Variants in VPS13D observed in about 807,000 individuals in gnomAD.
VPS13D encodes vacuolar protein sorting 13 homolog D.
Under a neutral mutation model 461.9 loss-of-function variants are expected in VPS13D, and 187 were observed. That is an observed-to-expected ratio of 0.40 (90% CI 0.36 to 0.46). VPS13D has a LOEUF of 0.46. Among genes scored for constraint, VPS13D ranks in the 20% least tolerant of loss-of-function variants. The pLI, the probability that VPS13D is intolerant of heterozygous loss-of-function variation, is 0.60. For synonymous variants in VPS13D, 1,951 were observed against 1,986.3 expected (o/e 0.98, Z 0.47); for missense variants, 4,711 against 5,364.9 (o/e 0.88, Z 3.81).
chr1:12,354,224 A>G lies in VPS13D; in HGVS notation c.9679+3A>G. On this transcript the variant is annotated splice_donor_region_variant and intron_variant, in intron 47 of 69. Coordinates refer to ENST00000620676, the MANE Select transcript of VPS13D (RefSeq NM_015378.4). ...TACATCCCAGAACATTGAGCTGGGT[A>G]AGAATGTAGTCAGATGATCATTTGT... The G allele has an allele frequency of 1.2e-6, 2 of 1,613,834 alleles. No individual in the cohort carries two copies. Among genetic ancestry groups the G allele is most frequent in the African/African-American group, 1.3e-5 (1 of 75,052 alleles).
intron 67 of VPS13D, among the ~76,000 whole-genome samples, chr1:12,461,478 CTTTAG>C (rs1418089947): frequency 6.6e-6 from 1 of 152,192 alleles, no homozygotes; most frequent in African/African-American, 2.4e-5. Context: ...GTATGGTTTA[CTTTAG>C]TTAAGTTACA....
intron 37 of VPS13D, among the ~76,000 whole-genome samples, chr1:12,332,410 A>G (rs1266602832): frequency 6.6e-6 from 1 of 152,254 alleles, no homozygotes; most frequent in Non-Finnish European, 1.5e-5. Context: ...AATGTGATGT[A>G]GCAGTATGCT....
At chr1:12,400,110 C>A in intron 60 of VPS13D, 71 bp from the exon 61 acceptor site, 1 of 1,558,138 alleles carries the variant, frequency 6.4e-7, no homozygotes, top group Non-Finnish European at 8.7e-7. Flanking sequence ...AGGCCCCACT[C>A]AAGCGTAAAA....
intron 35 of VPS13D, among the ~76,000 whole-genome samples, chr1:12,326,983 C>T (rs1643207587): frequency 6.6e-6 from 1 of 152,106 alleles, no homozygotes; most frequent in African/African-American, 2.4e-5. Context: ...TTAATTCCAT[C>T]AGTAATTAAT....
intron 67 of VPS13D, among the ~76,000 whole-genome samples, chr1:12,474,051 A>G (rs952741572): frequency 3.3e-5 from 5 of 152,204 alleles, no homozygotes; most frequent in African/African-American, 9.7e-5. Context: ...GAGTTCAGCC[A>G]AAAGCCCCAC....
At chr1:12,484,034 CA>C (rs915182611) in intron 67 of VPS13D, among the ~76,000 whole-genome samples, 1 of 152,060 alleles carries the variant, frequency 6.6e-6, no homozygotes, top group East Asian at 1.9e-4. Context: ...AGGCTTCAGC[CA>C]GATGTTTTTG....
At chr1:12,285,711 C>A (rs1238391386) in intron 21 of VPS13D, among the ~76,000 whole-genome samples, 1 of 152,156 alleles carries the variant, frequency 6.6e-6, no homozygotes. Context: ...ACAAGAATTC[C>A]TTGGTATTTT....
chr1:12,345,764 G>A (rs1643661841), intron 43 of VPS13D, among the ~76,000 whole-genome samples: 1 of 152,128 alleles, frequency 6.6e-6, no homozygotes, highest in Non-Finnish European at 1.5e-5. Flanking sequence ...ATGCTAGCTG[G>A]CCTGACTGGC....
intron 13 of VPS13D, among the ~76,000 whole-genome samples, chr1:12,263,292 G>A (rs917084580): frequency 6.6e-6 from 1 of 152,214 alleles, no homozygotes; most frequent in African/African-American, 2.4e-5. Flanking sequence ...AAGACCATGG[G>A]AGGGATGCTT....
At chr1:12,404,212 C>T (rs1349679732) in intron 63 of VPS13D, among the ~76,000 whole-genome samples, 3 of 149,910 alleles carry the variant, frequency 2.0e-5, no homozygotes, top group Admixed American at 6.7e-5. Context: ...TGCCGAAGAT[C>T]AAGGAGTAGC....
At chr1:12,482,801 C>CA (rs570977048) in intron 67 of VPS13D, among the ~76,000 whole-genome samples, 15 of 139,424 alleles carry the variant, frequency 1.1e-4, no homozygotes, top group East Asian at 8.0e-4. Flanking sequence ...TATATATATA[C>CA]TAGTATATAT....
Position 12,502,256 on chromosome 1 carries a change from G to A in VPS13D, c.12795-4597G>A, listed in dbSNP as rs1268278694. 3.3e-5 allele frequency among the ~76,000 whole-genome samples: 5 copies of A among 152,192 alleles called. No individual in the cohort carries two copies. Among genetic ancestry groups the A allele is most frequent in the Admixed American group, 1.3e-4 (2 of 15,284 alleles). Reference sequence around the variant, plus strand: ...GTGGAGAGGCCTGAACACAGTGGCCGTAACGATGACTAGAAGAGGACAGAT... The same window carrying A: ...GTGGAGAGGCCTGAACACAGTGGCCATAACGATGACTAGAAGAGGACAGAT... On this transcript the variant is annotated intron_variant, in intron 68 of 69. Coordinates refer to ENST00000620676, the MANE Select transcript of VPS13D (RefSeq NM_015378.4). The surrounding 1 kb of genome is among the most constrained non-coding windows in gnomAD (Gnocchi z 4.3).
chr1:12,387,840 G>T (rs1644369162), intron 60 of VPS13D, among the ~76,000 whole-genome samples: 1 of 152,324 alleles, frequency 6.6e-6, no homozygotes, highest in African/African-American at 2.4e-5. Context: ...GACATGCTAT[G>T]TGCCAAGGAA....
intron 65 of VPS13D, among the ~76,000 whole-genome samples, chr1:12,452,557 C>A (rs569394341): frequency 6.6e-6 from 1 of 152,312 alleles, no homozygotes; most frequent in Non-Finnish European, 1.5e-5. Flanking sequence ...ACTTACCTTC[C>A]CACTGAGGTG....
chr1:12,450,867 C>T (rs1645254609), intron 65 of VPS13D, among the ~76,000 whole-genome samples: 1 of 152,246 alleles, frequency 6.6e-6, no homozygotes, highest in Admixed American at 6.5e-5. Context: ...CCTGCCACTT[C>T]TCTCTTTTCC....
At chr1:12,433,770 A>T (rs983364865) in intron 65 of VPS13D, among the ~76,000 whole-genome samples, 1 of 152,142 alleles carries the variant, frequency 6.6e-6, no homozygotes, top group East Asian at 1.9e-4. Context: ...GCGGCAGGGG[A>T]TCCACTGGGA....
rs1557721660 is a variant in VPS13D, at chr1:12,343,586, GCTGGT to G, written c.8885+538_8885+542del. Among the ~76,000 whole-genome samples the G allele has an allele frequency of 2.6e-5, 4 of 151,628 alleles. No individual in the cohort carries two copies. The South Asian group carries it at 8.4e-4, about 32-fold the overall frequency. ...GATGAGGTCTCACTGTGTTGCCCAG[GCTGGT>G]CTCAAACTCCTGGGCTCAAGCAGTT... On this transcript the variant is annotated intron_variant, in intron 42 of 69. Coordinates refer to ENST00000620676, the MANE Select transcript of VPS13D (RefSeq NM_015378.4).
chr1:12,381,654 C>A (rs773781830), intron 57 of VPS13D, among the ~76,000 whole-genome samples: 4 of 152,236 alleles, frequency 2.6e-5, no homozygotes, highest in Non-Finnish European at 5.9e-5. Context: ...CCACCACTCA[C>A]AGATGGCTGA....
intron 5 of VPS13D, among the ~76,000 whole-genome samples, chr1:12,247,744 C>A (rs1177566259): frequency 6.8e-6 from 1 of 147,800 alleles, no homozygotes; most frequent in Non-Finnish European, 1.5e-5. Context: ...CCCTCTGTTG[C>A]TCAGGCTGGA....
Sources: allele counts gnomAD v4.1 joint callset (sites outside exome capture counted in the v4.1 genomes callset), GRCh38; gene constraint gnomAD v4.1.1; non-coding constraint Gnocchi (gnomAD v3.1); transcripts MANE v1.5; gene names NCBI Gene and HGNC (gene_info 2026-07-23, HGNC 2026-07-21).